KLF8: variants seen among roughly 807,000 people sequenced by gnomAD.
KLF8 encodes KLF transcription factor 8.
A neutral mutation model predicts 18.2 loss-of-function variants in KLF8; 10 were observed. The observed-to-expected ratio is 0.55, with a 90% CI of 0.34 to 0.93. The LOEUF is 0.93. Ranked by LOEUF, KLF8 falls within the 40% of genes least tolerant of loss-of-function variation. KLF8 has a pLI of 0.02. For missense variants in KLF8, 264 were observed against 277.9 expected (o/e 0.95, Z 0.36); for synonymous variants, 109 against 97.3 (o/e 1.12, Z -0.71).
intron 2 of KLF8, among the ~76,000 whole-genome samples, chrX:56,259,380 C>CT (rs1015743092): frequency 7.2e-5 from 8 of 110,741 alleles, no homozygotes; most frequent in Non-Finnish European, 1.5e-4. Context: ...TCATACCTTT[C>CT]TTTTTTTTCC....
chrX:56,070,564 A>G, the KLF8 span, among the ~76,000 whole-genome samples: 8,853 of 111,164 alleles, frequency 0.08, 881 homozygotes, highest in African/African-American at 0.28. Context: ...ACACAGGAAC[A>G]GGAACCCAAA....
chrX:56,126,060 G>A, the KLF8 span, among the ~76,000 whole-genome samples: 1 of 111,468 alleles, frequency 9.0e-6, no homozygotes, highest in African/African-American at 3.3e-5. Flanking sequence ...TAATATGCTT[G>A]TAGGAAAGAC....
intron 5 of KLF8, among the ~76,000 whole-genome samples, chrX:56,271,009 A>G (rs2067050582): frequency 8.9e-6 from 1 of 112,300 alleles, no homozygotes; most frequent in Non-Finnish European, 1.9e-5. Flanking sequence ...TAACAATACA[A>G]CAATAAAAAA....
the KLF8 span, among the ~76,000 whole-genome samples, chrX:55,940,523 G>T: frequency 9.0e-6 from 1 of 111,343 alleles, no homozygotes; most frequent in Non-Finnish European, 1.9e-5. Flanking sequence ...GAAATTTCTG[G>T]CCAGGACAAT....
At chrX:56,177,290 T>C in the KLF8 span, among the ~76,000 whole-genome samples, 13 of 110,926 alleles carry the variant, frequency 1.2e-4, no homozygotes, top group Non-Finnish European at 2.3e-4. Context: ...GTTGTGGATG[T>C]CCTTTCTGCT....
At chrX:55,937,360 A>G in the KLF8 span, among the ~76,000 whole-genome samples, 33 of 112,074 alleles carry the variant, frequency 2.9e-4, no homozygotes, top group Admixed American at 3.1e-3. Context: ...CATCCACACC[A>G]AAAACCCATC....
the KLF8 span, among the ~76,000 whole-genome samples, chrX:56,125,773 T>A: frequency 9.0e-6 from 1 of 111,491 alleles, no homozygotes; most frequent in Non-Finnish European, 1.9e-5. Context: ...GGGTTTAGGG[T>A]GTGATATACT....
intron 1 of KLF8, among the ~76,000 whole-genome samples, chrX:56,233,613 A>G (rs973895831): frequency 2.7e-5 from 3 of 111,923 alleles, no homozygotes; most frequent in Non-Finnish European, 5.6e-5. Flanking sequence ...TGTCTAGTCT[A>G]GTCTCCCCTG....
At chrX:56,183,231 C>G in the KLF8 span, among the ~76,000 whole-genome samples, 10 of 112,156 alleles carry the variant, frequency 8.9e-5, no homozygotes, top group Non-Finnish European at 1.9e-4. Context: ...GCTGTACTAG[C>G]AGTGAGCAAG....
chrX:55,988,794 G>A, the KLF8 span, among the ~76,000 whole-genome samples: 3 of 111,835 alleles, frequency 2.7e-5, no homozygotes, highest in African/African-American at 6.5e-5. Flanking sequence ...ACCTTGGGCA[G>A]TATGGCTGTT....
chrX:56,226,953 G>T, the KLF8 span, among the ~76,000 whole-genome samples: 104 of 112,540 alleles, frequency 9.2e-4, no homozygotes, highest in African/African-American at 3.3e-3. Context: ...GCAAACAAAG[G>T]ACAGAGGAAA....
the KLF8 span, among the ~76,000 whole-genome samples, chrX:56,011,399 AAAG>A: frequency 1.4e-4 from 16 of 112,203 alleles, no homozygotes; most frequent in African/African-American, 9.7e-5. Flanking sequence ...TTAAGGTAGA[AAAG>A]AAGAAGTTCT....
At chrX:56,066,900 AC>A in the KLF8 span, among the ~76,000 whole-genome samples, 3 of 109,935 alleles carry the variant, frequency 2.7e-5, no homozygotes, top group African/African-American at 9.9e-5. Context: ...CTCCAGGCCT[AC>A]AAGGGCCAAG....
chrX:56,196,534 CAAG>C, the KLF8 span, among the ~76,000 whole-genome samples: 1 of 112,117 alleles, frequency 8.9e-6, no homozygotes, highest in Non-Finnish European at 1.9e-5. Context: ...ATCAATTGAA[CAAG>C]AAGAGCTAAC....
Position 56,287,692 on chromosome X carries a change from A to T in KLF8, c.*3198A>T. 8.9e-6 allele frequency: 1 copy of T among 111,785 alleles called. No homozygotes were observed. Among genetic ancestry groups the T allele is most frequent in the Non-Finnish European group, 1.9e-5 (1 of 53,200 alleles). The allele number at this position is 111,785 out of a possible 1,213,427, so 9.2% of individuals were successfully genotyped here. A position where few individuals can be genotyped will look rare whatever the true frequency, so the allele number is the denominator to read the frequency against. ...AGGCAGAGTGCATTATGGGCAAGAC[A>T]AAGGTTTTCGATATTAACTTCTTTT... On this transcript the variant is annotated 3_prime_UTR_variant, in exon 6 of 6. Transcript: ENST00000468660.
the KLF8 span, among the ~76,000 whole-genome samples, chrX:56,117,511 A>C: frequency 3.6e-5 from 4 of 111,571 alleles, no homozygotes; most frequent in Admixed American, 9.5e-5. Context: ...GGAAAAAAAA[A>C]CAGAAAGAAC....
At chrX:56,080,943 G>C in the KLF8 span, among the ~76,000 whole-genome samples, 1 of 110,447 alleles carries the variant, frequency 9.1e-6, no homozygotes, top group Non-Finnish European at 1.9e-5. Flanking sequence ...GATTGCATCG[G>C]CTCCTGAGGC....
chrX:55,920,115 C>T, the KLF8 span, among the ~76,000 whole-genome samples: 1 of 111,968 alleles, frequency 8.9e-6, no homozygotes, highest in Non-Finnish European at 1.9e-5. Context: ...TCCCCAGTAC[C>T]AGCTCAGAGC....
the KLF8 span, among the ~76,000 whole-genome samples, chrX:56,156,727 C>T: frequency 1.9e-5 from 2 of 102,956 alleles, no homozygotes; most frequent in African/African-American, 7.1e-5. Flanking sequence ...TCCCCCCTAC[C>T]CACCCCCCAC....
Sources: allele counts gnomAD v4.1 joint callset (sites outside exome capture counted in the v4.1 genomes callset), GRCh38; gene constraint gnomAD v4.1.1; transcripts MANE v1.5; gene names NCBI Gene and HGNC (gene_info 2026-07-23, HGNC 2026-07-21).